The following ITIH4 variants were observed in gnomAD, a reference collection of about 807,000 sequenced individuals.
ITIH4 encodes the protein inter-alpha-trypsin inhibitor heavy chain H4.
ITIH4 carries 79 observed loss-of-function variants against 111.8 expected under a neutral mutation model. The ratio of observed to expected loss-of-function variants is 0.71; its 90% CI spans 0.59 to 0.85. The LOEUF (loss-of-function observed/expected upper bound fraction) is 0.85, where lower values mean the gene tolerates loss of function less well. Among genes scored for constraint, ITIH4 ranks in the 40% least tolerant of loss-of-function variants. ITIH4 has a pLI of 0.00. For synonymous variants in ITIH4, 472 were observed against 468.3 expected (o/e 1.01, Z -0.10); for missense variants, 1,065 against 1,195.8 (o/e 0.89, Z 1.61).
rs1040131870 is a variant in ITIH4 at position 52,830,210 on chromosome 3, A to C, written c.90+343T>G. On this transcript the variant is annotated intron_variant, in intron 1 of 23. Transcript: ENST00000266041. The stretch of plus-strand genomic sequence containing the variant: ...GGTTTTCACAACCGCCACCCTCTGA[A>C]TAGGTTCTAGTATTACCCTGTTTTA... The C allele has an allele frequency of 1.3e-5, 5 of 379,974 alleles. No individual in the cohort carries two copies. The East Asian group carries it at 3.4e-4, about 26-fold the overall frequency. 23.5% of individuals were successfully genotyped at this position (379,974 alleles called of 1,614,324 possible). A position where few individuals can be genotyped will look rare whatever the true frequency, so the allele number is the denominator to read the frequency against.
intron 20 of ITIH4, among the ~76,000 whole-genome samples, 169 bp downstream of exon 20, chr3:52,817,883 G>A (rs1011087620): frequency 6.6e-6 from 1 of 152,262 alleles, no homozygotes; most frequent in East Asian, 1.9e-4. Flanking sequence ...GAAGGTCCCC[G>A]GGGTGTCTGT....
rs752762141 is a variant in ITIH4, at chr3:52,826,900, T to C, written c.410A>G (p.Asn137Ser). The C allele has an allele frequency of 1.2e-6, 2 of 1,614,030 alleles. No homozygotes were observed. Among genetic ancestry groups the C allele is most frequent in the Admixed American group, 1.7e-5 (1 of 60,026 alleles). ...QFQVSVSVAP[N>S]AKITFELVYE... ...GACCAGCTCAAAGGTGATCTTGGCA[T>C]TGGGAGCCACACTGACCGACACCTG... The change falls in exon 4 of 24, where the codon AAT becomes AGT. Residue 137 changes from asparagine to serine, a missense_variant. Transcript: ENST00000266041.
chr3:52,818,852 A>G, intron 17 of ITIH4: 1 of 398,378 alleles, frequency 2.5e-6, no homozygotes, highest in Non-Finnish European at 4.6e-6. Context: ...AGTATAGTGG[A>G]TCCTACTCAG....
rs764649014 is a variant in ITIH4, at chr3:52,823,979, C to T, written c.1197G>A (p.Gln399=). Residue 399 remains glutamine (Q), a synonymous_variant, in exon 10 of 24, where the codon CAG becomes CAA. Coordinates refer to ENST00000266041, the MANE Select transcript of ITIH4 (RefSeq NM_002218.5). ...TVGETNPRSI[Q]NNVREAVSGR... is the part of the protein sequence containing the mutation. ...CACTTACAGCTTCCCGCACGTTATT[C>T]TGGATGCTCCTGGGGTTAGTCTCCC... 4 of 1,577,666 alleles carry T rather than the reference C, an allele frequency of 2.5e-6. No homozygotes were observed. Among genetic ancestry groups the T allele is most frequent in the Non-Finnish European group, 3.4e-6 (4 of 1,162,952 alleles).
chr3:52,814,387 A>G, intron 21 of ITIH4, 24 bp from the exon 22 acceptor site: 2 of 1,611,322 alleles, frequency 1.2e-6, no homozygotes, highest in Middle Eastern at 1.7e-4. Flanking sequence ...CAGTGTCTTG[A>G]GCAGGAAGGT....
rs151254591 is a variant in ITIH4, at chr3:52,824,617, G to A, written c.877-52C>T. 282 of 1,551,826 alleles carry A rather than the reference G, an allele frequency of 1.8e-4. No individual in the cohort carries two copies. The highest frequency in any genetic ancestry group is 2.3e-4 in the Non-Finnish European group (264 of 1,142,190). ...CTTCAGAAGGGCTCCCTGAGGGCTC[G>A]TGTGCCCTAGGGCTGGCATCCTTGG... On this transcript the variant is annotated intron_variant, in intron 7 of 23. Transcript: ENST00000266041. This position sits in a 1 kb window ranked among gnomAD's most constrained non-coding sequence, Gnocchi z 4.3.
At chr3:52,819,551 C>T in intron 16 of ITIH4, 33 bp from the exon 17 acceptor site, 1 of 1,613,632 alleles carries the variant, frequency 6.2e-7, no homozygotes, top group Non-Finnish European at 8.5e-7. Context: ...AGTCTTCTCT[C>T]AGGTGGGGTG....
rs1488490293 is a variant in ITIH4 at position 52,813,233 on chromosome 3, G to T, written c.*188C>A. ...GTTCCACGATGCTAAGGTTCAGGAT[G>T]CGAGGTTGAGGCCCTAGGATTTGGC... On this transcript the variant is annotated 3_prime_UTR_variant, in exon 24 of 24. Coordinates refer to ENST00000266041, the MANE Select transcript of ITIH4 (RefSeq NM_002218.5). 1 of 613,220 alleles carries T rather than the reference G, an allele frequency of 1.6e-6. No individual in the cohort carries two copies. The highest frequency in any genetic ancestry group is 3.0e-6 in the Non-Finnish European group (1 of 338,906). 38.0% of individuals were successfully genotyped at this position (613,220 alleles called of 1,614,324 possible). A position where few individuals can be genotyped will look rare whatever the true frequency, so the allele number is the denominator to read the frequency against.
chr3:52,824,422 AAAG>A lies in ITIH4; in HGVS notation c.1017_1019del (p.Phe340del). 2 of 1,614,154 alleles carry A rather than the reference AAAG, an allele frequency of 1.2e-6. No individual in the cohort carries two copies. Among genetic ancestry groups the A allele is most frequent in the South Asian group, 2.2e-5 (2 of 91,072 alleles). ...CTCCCAGGGCCTGGATGCCCGCAGC[AAAG>A]CTCCTGGCCTTGTTCACGTTCTCGG... On this transcript the variant is annotated inframe_deletion, in exon 8 of 24. Transcript: ENST00000266041. The surrounding 1 kb of genome is among the most constrained non-coding windows in gnomAD (Gnocchi z 4.3).
At position 52,826,871 on chromosome 3, in the gene ITIH4, CAT is replaced by C. The variant is rs1211190124; in HGVS notation, c.437_438del (p.Tyr146Ter). 2 of 1,613,960 alleles carry C rather than the reference CAT, an allele frequency of 1.2e-6. No individual in the cohort carries two copies. Among genetic ancestry groups the C allele is most frequent in the East Asian group, 4.5e-5 (2 of 44,880 alleles). The part of the protein sequence containing the change: ...PNAKITFELV[Y>X]EELLKRRLGV... Reference sequence around the variant, plus strand: ...CCCAAACGCCGCTTGAGCAGCTCCTCATAGACCAGCTCAAAGGTGATCTTGGC... The same window carrying C: ...CCCAAACGCCGCTTGAGCAGCTCCTCAGACCAGCTCAAAGGTGATCTTGGC... On this transcript the variant is annotated frameshift_variant, in exon 4 of 24. Transcript: ENST00000266041. LOFTEE classifies it high-confidence loss of function.
intron 12 of ITIH4, 77 bp downstream of exon 12, chr3:52,820,914 T>C: frequency 6.4e-7 from 1 of 1,564,090 alleles, no homozygotes; most frequent in Non-Finnish European, 8.7e-7. Context: ...CCCCCCTCTC[T>C]CCATGCTTAG....
intron 20 of ITIH4, among the ~76,000 whole-genome samples, chr3:52,817,478 G>A (rs568619569): frequency 2.0e-5 from 3 of 152,346 alleles, no homozygotes; most frequent in African/African-American, 7.2e-5. Context: ...ATGCATCTGA[G>A]GAATGAGAAA....
At chr3:52,820,354 CAG>C (rs1376754889) in intron 13 of ITIH4, 37 bp from the exon 14 acceptor site, 1 of 1,600,288 alleles carries the variant, frequency 6.2e-7, no homozygotes, top group South Asian at 1.1e-5. Flanking sequence ...GACAGACAGA[CAG>C]AGACACAGAC....
At position 52,813,501 on chromosome 3, in the gene ITIH4, AAGAC is replaced by A. The variant is rs777132627; in HGVS notation, c.2724-15_2724-12del. On this transcript the variant is annotated splice_polypyrimidine_tract_variant and intron_variant, in intron 23 of 23. Transcript: ENST00000266041. Reference sequence around the variant, plus strand: ...TCCAGCCTGCGCTCTCTGAAATGGAAAGACAGACAGATAGGCAGGTGGTCAGCAA... The same window carrying A: ...TCCAGCCTGCGCTCTCTGAAATGGAAAGACAGATAGGCAGGTGGTCAGCAA... The A allele has an allele frequency of 1.9e-6, 3 of 1,613,340 alleles. No homozygotes were observed. The highest frequency in any genetic ancestry group is 2.5e-6 in the Non-Finnish European group (3 of 1,179,314).
Position 52,820,820 on chromosome 3 carries a change from T to C in ITIH4, c.1680-35A>G, listed in dbSNP as rs1321502621. The C allele has an allele frequency of 7.6e-6, 12 of 1,575,678 alleles. No individual in the cohort carries two copies. The East Asian group carries it at 1.8e-4, about 24-fold the overall frequency. ...GAGCACATCAGAGCTCAGGAGATCC[T>C]TGAATTCGGGAACAGATTTTCCATC... On this transcript the variant is annotated intron_variant, in intron 12 of 23. Transcript: ENST00000266041.
rs1267957065 is a variant in ITIH4, at chr3:52,823,828, G to A, written c.1348C>T (p.Leu450Phe). The A allele has an allele frequency of 6.2e-7, 1 of 1,613,958 alleles. No homozygotes were observed. Among genetic ancestry groups the A allele is most frequent in the South Asian group, 1.1e-5 (1 of 91,082 alleles). ...CACCTGGGGCACACTGGCACCTGGA[G>A]CTGCAGGGCAGAGTCTGAGTCCTCA... ...IHEDSDSALQLQDFYQEVANP... is the reference protein window; with the variant it reads ...IHEDSDSALQFQDFYQEVANP... Residue 450 changes from leucine to phenylalanine, a missense_variant, in exon 10 of 24, where the codon CTC becomes TTC. Physicochemically the swap from Leu to Phe is conservative, Grantham distance 22. Transcript: ENST00000266041.
Position 52,829,284 on chromosome 3 carries a change from A to C in ITIH4, c.91-5T>G. On this transcript the variant is annotated splice_polypyrimidine_tract_variant and splice_region_variant and intron_variant, in intron 1 of 23. Coordinates refer to ENST00000266041, the MANE Select transcript of ITIH4 (RefSeq NM_002218.5). ...GCTGTAGATGTCGATGCCATTCTGG[A>C]CCAGCAAAGAAGAAGGGGGTTGCAG... The C allele has an allele frequency of 6.3e-7, 1 of 1,599,742 alleles. No homozygotes were observed. The highest frequency in any genetic ancestry group is 8.6e-7 in the Non-Finnish European group (1 of 1,168,406).
In ITIH4 at chr3:52,818,455, G is replaced by C. The variant is rs777118937; in HGVS notation, c.2152+7C>G. On this transcript the variant is annotated splice_region_variant and intron_variant, in intron 18 of 23. Coordinates refer to ENST00000266041, the MANE Select transcript of ITIH4 (RefSeq NM_002218.5). ...TGTTAGGACAGGGCCTCTGGCCTTG[G>C]GGGCACCTTCGATTTTCATATTCAT... The C allele has an allele frequency of 2.1e-5, 34 of 1,598,338 alleles. No individual in the cohort carries two copies. The highest frequency in any genetic ancestry group is 2.7e-5 in the Non-Finnish European group (32 of 1,172,108).
intron 11 of ITIH4, chr3:52,823,324 C>T: frequency 3.7e-6 from 2 of 544,432 alleles, no homozygotes; most frequent in Admixed American, 3.2e-5. Flanking sequence ...GGGAGGAATC[C>T]CTGCCCTCAC....
Sources: allele counts gnomAD v4.1 joint callset (sites outside exome capture counted in the v4.1 genomes callset), GRCh38; gene constraint gnomAD v4.1.1; non-coding constraint Gnocchi (gnomAD v3.1); transcripts MANE v1.5; gene names NCBI Gene and HGNC (gene_info 2026-07-23, HGNC 2026-07-21).